The following RAPH1 variants were observed in gnomAD, a reference collection of about 807,000 sequenced individuals.
RAPH1 encodes the protein Ras association (RalGDS/AF-6) and pleckstrin homology domains 1, also known as ras-associated and pleckstrin homology domains-containing protein 1.
RAPH1 carries 18 observed loss-of-function variants against 88.1 expected under a neutral mutation model. The observed-to-expected ratio is 0.20, with a 90% CI of 0.14 to 0.30. The LOEUF (loss-of-function observed/expected upper bound fraction) is 0.30, where lower values mean the gene tolerates loss of function less well. RAPH1 is among the 10% of genes least tolerant of loss of function. The probability of loss-of-function intolerance (pLI) is 1.00; values close to 1 mark genes in which losing one functional copy is unlikely to be tolerated. For synonymous variants in RAPH1, 587 were observed against 559.0 expected, an observed-to-expected ratio of 1.05 and a Z score of -0.71; for missense variants, 1,448 against 1,543.2, an observed-to-expected ratio of 0.94 and a Z score of 1.03.
In RAPH1 at chr2:203,452,554, T is replaced by A. The variant is rs181539706; in HGVS notation, c.1413+1876A>T. 3.1e-4 allele frequency among the ~76,000 whole-genome samples: 47 copies of A among 152,358 alleles called. 1 individual carries two copies. The highest frequency in any genetic ancestry group is 3.4e-3 in the Middle Eastern group (1 of 294). On this transcript the variant is annotated intron_variant, in intron 10 of 13. Transcript: ENST00000319170. ...ATGCTTTTCTCCTGTTGATCTCTTA[T>A]GTCAATTTAATTTGTGTGCCCAGCT...
chr2:203,530,006 T>C (rs1045468171), intron 1 of RAPH1, among the ~76,000 whole-genome samples: 4 of 152,246 alleles, frequency 2.6e-5, no homozygotes, highest in African/African-American at 9.6e-5. Context: ...GAGAACAGAA[T>C]ACCTATCTTA....
chr2:203,520,915 C>A (rs1689837421), intron 1 of RAPH1, among the ~76,000 whole-genome samples: 1 of 152,132 alleles, frequency 6.6e-6, no homozygotes, highest in African/African-American at 2.4e-5. Flanking sequence ...ATAATGTTCA[C>A]TGGGGCATCC....
chr2:203,506,066 C>T (rs1688979173), intron 1 of RAPH1, among the ~76,000 whole-genome samples: 1 of 152,182 alleles, frequency 6.6e-6, no homozygotes, highest in African/African-American at 2.4e-5. Flanking sequence ...CACTTTTGTC[C>T]TACCTATTCC....
chr2:203,479,670 A>G (rs1346884466), intron 4 of RAPH1, among the ~76,000 whole-genome samples: 1 of 152,106 alleles, frequency 6.6e-6, no homozygotes, highest in African/African-American at 2.4e-5. Context: ...TGTTACATAT[A>G]AAACAGTATG....
In RAPH1 at chr2:203,524,085, C is replaced by G. The variant is rs913385549; in HGVS notation, c.-1+11026G>C. On this transcript the variant is annotated intron_variant, in intron 1 of 13. Transcript: ENST00000319170. ...AATATATCCAATAAAGAACTTGTAT[C>G]GAGTAAATAATTGTTAAACTAAATT... Among the ~76,000 whole-genome samples the G allele has an allele frequency of 3.3e-5, 5 of 152,038 alleles. No homozygotes were observed. The East Asian group carries it at 9.6e-4, about 29-fold the overall frequency.
intron 1 of RAPH1, among the ~76,000 whole-genome samples, chr2:203,532,398 G>GTATGT (rs1690428569): frequency 6.6e-6 from 1 of 152,194 alleles, no homozygotes; most frequent in African/African-American, 2.4e-5. Flanking sequence ...ATGGTAATTT[G>GTATGT]TATGTTATGC....
chr2:203,489,975 T>G lies in RAPH1; in HGVS notation c.341A>C (p.Glu114Ala). 2 of 1,614,240 alleles carry G rather than the reference T, an allele frequency of 1.2e-6. No individual in the cohort carries two copies. ...AGGCAATTTCTGAGTAGCTTTCGTT[T>G]CTGTGATTTGACGCTTACTGTTTCC... ...GSGNSKRQIT[E>A]TKATQKLPVS... is the part of the protein sequence containing the mutation. Residue 114 changes from glutamate (E) to alanine (A), a missense_variant, in exon 4 of 14, where the codon GAA (glutamate) becomes GCA (alanine). Physicochemically the swap from Glu to Ala is moderately radical, Grantham distance 107. Coordinates refer to ENST00000319170, the MANE Select transcript of RAPH1 (RefSeq NM_213589.3).
intron 10 of RAPH1, among the ~76,000 whole-genome samples, chr2:203,451,653 A>G (rs2098515009): frequency 1.3e-5 from 2 of 152,212 alleles, no homozygotes; most frequent in Admixed American, 6.5e-5. Context: ...TGCTCCCAAA[A>G]CAGATGAATA....
intron 1 of RAPH1, among the ~76,000 whole-genome samples, chr2:203,527,724 C>T (rs1262303544): frequency 6.8e-6 from 1 of 146,474 alleles, no homozygotes; most frequent in Non-Finnish European, 1.5e-5. Flanking sequence ...CGCTTGAACC[C>T]GGGAGGCGAA....
At position 203,440,292 on chromosome 2, in the gene RAPH1, A is replaced by G. The variant is rs367964997; in HGVS notation, c.2898T>C (p.Pro966=). ...GGGTTGGGGGTGGTTTCTTTCCCCC[A>G]GGGCTGGACGTCTTACTGGTCTTTT... is the stretch of plus-strand genomic sequence containing the variant. ...PGKKTSKTSS[P]GGKKPPPTPQ... Residue 966 remains proline (P), a synonymous_variant, in exon 14 of 14, where the codon CCT becomes CCC. Coordinates refer to ENST00000319170, the MANE Select transcript of RAPH1 (RefSeq NM_213589.3). The G allele has an allele frequency of 7.4e-6, 12 of 1,613,066 alleles. No homozygotes were observed. Among genetic ancestry groups the G allele is most frequent in the African/African-American group, 1.3e-5 (1 of 74,652 alleles).
intron 7 of RAPH1, among the ~76,000 whole-genome samples, chr2:203,458,484 G>C (rs900088309): frequency 7.9e-5 from 12 of 152,198 alleles, no homozygotes; most frequent in Non-Finnish European, 1.8e-4. Context: ...AAAATCTGCT[G>C]ATGCTTAAAG....
At chr2:203,460,366 T>C (rs1384474820) in intron 6 of RAPH1, among the ~76,000 whole-genome samples, 1 of 152,210 alleles carries the variant, frequency 6.6e-6, no homozygotes, top group African/African-American at 2.4e-5. Context: ...ATATCAAGTA[T>C]TTCCTATTTA....
chr2:203,500,443 G>A lies in RAPH1; in HGVS notation c.1-5090C>T, dbSNP rs138744807. ...AAAATGAGGCTAGAGAGGAGGAAGC[G>A]GCAAAATCCTAAGCCATACCAAAAA... On this transcript the variant is annotated intron_variant, in intron 1 of 13. Transcript: ENST00000319170. 8.3e-4 allele frequency among the ~76,000 whole-genome samples: 126 copies of A among 152,174 alleles called. 1 individual carries two copies. The highest frequency in any genetic ancestry group is 3.4e-3 in the Middle Eastern group (1 of 294).
At chr2:203,443,260 A>C (rs1328415596) in intron 13 of RAPH1, 3 of 152,188 alleles carry the variant, frequency 2.0e-5, no homozygotes, top group Non-Finnish European at 4.4e-5. Context: ...AGCACCCCCC[A>C]CCAAAAAATT....
In RAPH1 at chr2:203,456,763, A is replaced by C. The variant is rs190113097; in HGVS notation, c.1158+767T>G. ...TTTATTCAGGTTTTCAAGTATACTA[A>C]GTTATTTGATTTTAGTTCTATAAAA... On this transcript the variant is annotated intron_variant, in intron 8 of 13. Transcript: ENST00000319170. 4.5e-3 allele frequency among the ~76,000 whole-genome samples: 687 copies of C among 152,308 alleles called. 3 individuals are homozygous for C. The highest frequency in any genetic ancestry group is 0.013 in the South Asian group (64 of 4,826).
rs142663022 is a variant in RAPH1 at position 203,487,034 on chromosome 2, G to A, written c.732+2550C>T. ...TACCACTAGATACCATTTGAAGTGC[G>A]CTTGCTGGGAGAGAGGAACTTTTCA... On this transcript the variant is annotated intron_variant, in intron 4 of 13. Transcript: ENST00000319170. Among the ~76,000 whole-genome samples the A allele has an allele frequency of 2.5e-3, 376 of 152,248 alleles. 8 individuals carry two copies. Among genetic ancestry groups the A allele is most frequent in the Admixed American group, 0.018 (271 of 15,284 alleles).
intron 10 of RAPH1, 49 bp downstream of exon 10, chr2:203,454,381 C>T (rs2098517445): frequency 8.2e-7 from 1 of 1,226,208 alleles, no homozygotes; most frequent in Non-Finnish European, 1.2e-6. Context: ...CAATAACCTG[C>T]TCTATGTCTA....
chr2:203,493,790 G>A (rs768753421), intron 2 of RAPH1, among the ~76,000 whole-genome samples: 1 of 151,736 alleles, frequency 6.6e-6, no homozygotes, highest in Admixed American at 6.6e-5. Flanking sequence ...TGGCTAACAT[G>A]GTGAAACTCT....
intron 1 of RAPH1, among the ~76,000 whole-genome samples, chr2:203,533,162 CT>C (rs1690464101): frequency 6.6e-6 from 1 of 152,186 alleles, no homozygotes; most frequent in Non-Finnish European, 1.5e-5. Context: ...TACTCCACTC[CT>C]TTCACCCAGT....
Sources: gnomAD v4.1 joint callset for allele counts (sites outside exome capture counted in the v4.1 genomes callset) on GRCh38, gnomAD v4.1.1 for gene constraint, MANE v1.5 for transcripts, NCBI Gene and HGNC (gene_info 2026-07-23, HGNC 2026-07-21) for gene names.